The following FAM53B variants were observed in gnomAD, a reference collection of about 807,000 sequenced individuals.
FAM53B encodes the protein protein FAM53B.
FAM53B carries 12 observed loss-of-function variants against 32.7 expected under a neutral mutation model. The ratio of observed to expected loss-of-function variants is 0.37; its 90% CI spans 0.24 to 0.59. The LOEUF is 0.59. Among genes scored for constraint, FAM53B ranks in the 20% least tolerant of loss-of-function variants. FAM53B has a pLI of 0.72. For missense variants in FAM53B, 477 were observed against 577.7 expected (o/e 0.83, Z 1.79); for synonymous variants, 234 against 228.7 (o/e 1.02, Z -0.21).
chr10:124,686,677 G>T (rs1949804913), intron 3 of FAM53B, among the ~76,000 whole-genome samples: 3 of 152,262 alleles, frequency 2.0e-5, no homozygotes, highest in Admixed American at 1.3e-4. Context: ...CATAGCCCCA[G>T]TGTGGCTCCC....
intron 1 of FAM53B, chr10:124,742,419 G>A (rs1219962807): frequency 6.6e-6 from 1 of 152,240 alleles, no homozygotes; most frequent in African/African-American, 2.4e-5. Context: ...AAGGAACAGT[G>A]AGTTTCACCT....
intron 1 of FAM53B, among the ~76,000 whole-genome samples, chr10:124,721,852 G>C (rs1030239935): frequency 6.6e-5 from 10 of 152,284 alleles, no homozygotes; most frequent in African/African-American, 2.4e-4. Context: ...CGTATCGTTA[G>C]GCACAGCCAA....
At chr10:124,633,110 A>C (rs1260324240) in intron 4 of FAM53B, among the ~76,000 whole-genome samples, 1 of 152,164 alleles carries the variant, frequency 6.6e-6, no homozygotes, top group Non-Finnish European at 1.5e-5. Context: ...AGGCCACAGC[A>C]AAGGGGTCTG....
intron 1 of FAM53B, among the ~76,000 whole-genome samples, chr10:124,731,200 C>T (rs1950140266): frequency 6.6e-6 from 1 of 152,226 alleles, no homozygotes; most frequent in Non-Finnish European, 1.5e-5. Flanking sequence ...AACGGCGAAG[C>T]CTAACGCACA....
At chr10:124,654,447 G>A (rs1392011963) in intron 4 of FAM53B, among the ~76,000 whole-genome samples, 1 of 152,258 alleles carries the variant, frequency 6.6e-6, no homozygotes, top group Non-Finnish European at 1.5e-5. Context: ...CGCTCCCAGG[G>A]AGGTGGTGTT....
At chr10:124,730,939 T>C (rs1045901828) in intron 1 of FAM53B, among the ~76,000 whole-genome samples, 2 of 152,170 alleles carry the variant, frequency 1.3e-5, no homozygotes, top group Non-Finnish European at 2.9e-5. Context: ...GGTGTGAAGG[T>C]AGCCACAGAC....
At chr10:124,661,694 T>C (rs762831895) in intron 4 of FAM53B, among the ~76,000 whole-genome samples, 3 of 152,226 alleles carry the variant, frequency 2.0e-5, no homozygotes, top group Non-Finnish European at 2.9e-5. Flanking sequence ...ACGAGGGGGT[T>C]CCTTCAACAG....
rs187355007 is a variant in FAM53B, at chr10:124,695,177, A to C, written c.133+981T>G. ...GAGGTCTGACCAAAGTAACCTTTGAATCTGAAAGCCCACAGTCATCATCAT... is the reference window on the plus strand; with the variant it reads ...GAGGTCTGACCAAAGTAACCTTTGACTCTGAAAGCCCACAGTCATCATCAT... On this transcript the variant is annotated intron_variant, in intron 3 of 4. Transcript: ENST00000337318. Among the ~76,000 whole-genome samples, 267 of 152,308 alleles carry C rather than the reference A, an allele frequency of 1.8e-3. 3 individuals are homozygous for C. Among genetic ancestry groups the C allele is most frequent in the Admixed American group, 5.0e-3 (77 of 15,296 alleles).
intron 4 of FAM53B, among the ~76,000 whole-genome samples, chr10:124,656,991 A>T (rs956587793): frequency 1.3e-5 from 2 of 151,418 alleles, no homozygotes; most frequent in Admixed American, 6.6e-5. Context: ...ATACATACGT[A>T]ACAAACCTGC....
chr10:124,634,437 G>C (rs1046737715), intron 4 of FAM53B, among the ~76,000 whole-genome samples: 2 of 152,236 alleles, frequency 1.3e-5, no homozygotes, highest in Non-Finnish European at 2.9e-5. Context: ...TTTCGTGGGA[G>C]GGACGCAGTG....
chr10:124,626,590 C>T (rs915328127), intron 4 of FAM53B, among the ~76,000 whole-genome samples: 1 of 152,204 alleles, frequency 6.6e-6, no homozygotes, highest in Non-Finnish European at 1.5e-5. Context: ...CTGTTGGCAC[C>T]TGGATCTTGG....
chr10:124,676,219 G>T (rs1401153280), intron 4 of FAM53B, among the ~76,000 whole-genome samples: 1 of 152,172 alleles, frequency 6.6e-6, no homozygotes, highest in Non-Finnish European at 1.5e-5. Context: ...TTCTTTCATT[G>T]CAATGGGCTT....
intron 4 of FAM53B, among the ~76,000 whole-genome samples, chr10:124,672,939 G>C (rs1949715565): frequency 6.6e-6 from 1 of 152,168 alleles, no homozygotes; most frequent in Non-Finnish European, 1.5e-5. Context: ...GTCAAAGTGA[G>C]GGCTGCAGGT....
intron 4 of FAM53B, among the ~76,000 whole-genome samples, chr10:124,638,749 G>A (rs1170154698): frequency 1.9e-4 from 29 of 152,264 alleles, no homozygotes; most frequent in Admixed American, 1.9e-3. Context: ...TCAGGGGCGA[G>A]GACAAGGTGG....
chr10:124,675,955 G>A (rs975761805), intron 4 of FAM53B, among the ~76,000 whole-genome samples: 1 of 152,238 alleles, frequency 6.6e-6, no homozygotes, highest in Non-Finnish European at 1.5e-5. Context: ...CTGCCAAGAG[G>A]AGGATTCTAA....
At chr10:124,689,789 T>A (rs576426475) in intron 3 of FAM53B, among the ~76,000 whole-genome samples, 5 of 152,244 alleles carry the variant, frequency 3.3e-5, no homozygotes, top group Non-Finnish European at 5.9e-5. Context: ...CCCAGTGAGA[T>A]CCTCACAGTT....
At chr10:124,693,753 T>C (rs1428371469) in intron 3 of FAM53B, among the ~76,000 whole-genome samples, 1 of 152,134 alleles carries the variant, frequency 6.6e-6, no homozygotes, top group African/African-American at 2.4e-5. Flanking sequence ...TGGGGTGGTA[T>C]CCCCATAGCT....
intron 1 of FAM53B, chr10:124,743,098 A>C (rs1950208916): frequency 8.3e-6 from 1 of 119,848 alleles, no homozygotes; most frequent in South Asian, 2.8e-4. Context: ...TACTACAAGC[A>C]TTGTTCCCCA....
rs1426897367 is a variant in FAM53B at position 124,682,652 on chromosome 10, T to C, written c.134-273A>G. 6.6e-6 allele frequency among the ~76,000 whole-genome samples: 1 copy of C among 152,212 alleles called. No homozygotes were observed. The highest frequency in any genetic ancestry group is 2.4e-5 in the African/African-American group (1 of 41,458). On this transcript the variant is annotated intron_variant, in intron 3 of 4. Transcript: ENST00000337318. This position sits in a 1 kb window ranked among gnomAD's most constrained non-coding sequence, Gnocchi z 5.2. ...TCCTGATATGGTTTTCTTTCCAGTGTACCACACTGCCTCCCAGGAGAATCC... is the reference window on the plus strand; with the variant it reads ...TCCTGATATGGTTTTCTTTCCAGTGCACCACACTGCCTCCCAGGAGAATCC...
Sources: gnomAD v4.1 joint callset for allele counts (sites outside exome capture counted in the v4.1 genomes callset) on GRCh38, gnomAD v4.1.1 for gene constraint, Gnocchi (gnomAD v3.1) non-coding constraint, MANE v1.5 for transcripts, NCBI Gene and HGNC (gene_info 2026-07-23, HGNC 2026-07-21) for gene names.